Variants in SERPINB12 observed in about 807,000 individuals in gnomAD.
SERPINB12 encodes serpin family B member 12, also known as serpin B12.
SERPINB12 carries 57 observed loss-of-function variants against 41.1 expected under a neutral mutation model. The observed-to-expected ratio is 1.39, with a 90% CI of 1.12 to 1.73. The LOEUF (loss-of-function observed/expected upper bound fraction) is 1.73. Ranked by LOEUF, SERPINB12 falls within the 40% of genes most tolerant of loss-of-function variation. SERPINB12 has a pLI of 0.00. For synonymous variants in SERPINB12, 180 were observed against 181.3 expected (o/e 0.99, Z 0.06); for missense variants, 536 against 501.9 (o/e 1.07, Z -0.65).
chr18:63,541,765 A>G (rs548789302), upstream of SERPINB12, among the ~76,000 whole-genome samples: 4 of 152,216 alleles, frequency 2.6e-5, no homozygotes, highest in South Asian at 8.3e-4. Context: ...AAGAGAAGGA[A>G]CAGAGACAGA....
intron 1 of SERPINB12, among the ~76,000 whole-genome samples, chr18:63,542,867 C>A (rs139007098): frequency 6.6e-6 from 1 of 152,092 alleles, no homozygotes; most frequent in Admixed American, 6.6e-5. Context: ...TGTTTAGCTC[C>A]CACTTATAAG....
chr18:63,528,866 T>G, the SERPINB12 span, among the ~76,000 whole-genome samples: 2 of 152,132 alleles, frequency 1.3e-5, no homozygotes, highest in East Asian at 3.9e-4. Context: ...GGTCCTTCAT[T>G]TAAGGCAGTC....
At chr18:63,552,317 G>T (rs73961719) in intron 1 of SERPINB12, among the ~76,000 whole-genome samples, 2 of 152,016 alleles carry the variant, frequency 1.3e-5, no homozygotes, top group Non-Finnish European at 2.9e-5. Context: ...GGAAAATTAG[G>T]CTGGTTTCAA....
At chr18:63,519,841 T>C in the SERPINB12 span, among the ~76,000 whole-genome samples, 7 of 152,164 alleles carry the variant, frequency 4.6e-5, no homozygotes, top group Non-Finnish European at 1.0e-4. Flanking sequence ...TCTGACTTAT[T>C]ATCTAAGGTA....
At chr18:63,554,375 T>A (rs940920533) in intron 1 of SERPINB12, among the ~76,000 whole-genome samples, 3 of 152,260 alleles carry the variant, frequency 2.0e-5, no homozygotes, top group Non-Finnish European at 4.4e-5. Flanking sequence ...ACACATTTTT[T>A]AAAAAGTTAC....
At chr18:63,554,173 T>G (rs1910602596) in intron 1 of SERPINB12, among the ~76,000 whole-genome samples, 2 of 152,214 alleles carry the variant, frequency 1.3e-5, no homozygotes, top group Non-Finnish European at 2.9e-5. Flanking sequence ...GGCATGTGTT[T>G]GATCACCTAT....
intron 2 of SERPINB12, among the ~76,000 whole-genome samples, chr18:63,556,592 C>G (rs1910688341): frequency 6.6e-6 from 1 of 152,186 alleles, no homozygotes; most frequent in Non-Finnish European, 1.5e-5. Flanking sequence ...TCATCTCTAT[C>G]TTTATCTCTG....
the SERPINB12 span, among the ~76,000 whole-genome samples, chr18:63,536,878 A>G: frequency 1.3e-5 from 2 of 152,172 alleles, no homozygotes; most frequent in African/African-American, 2.4e-5. Context: ...AGCAATGCCA[A>G]TCAAAGGAGG....
upstream of SERPINB12, among the ~76,000 whole-genome samples, chr18:63,538,125 AC>A (rs1910209426): frequency 6.6e-6 from 1 of 152,200 alleles, no homozygotes; most frequent in Non-Finnish European, 1.5e-5. Flanking sequence ...AGGCACCAGG[AC>A]TTCTGCTGGA....
intron 1 of SERPINB12, among the ~76,000 whole-genome samples, chr18:63,546,535 C>A (rs565172506): frequency 1.3e-5 from 2 of 152,242 alleles, no homozygotes; most frequent in South Asian, 2.1e-4. Flanking sequence ...TATGTAATAA[C>A]TTAGAAAGAT....
chr18:63,523,753 T>C, the SERPINB12 span, among the ~76,000 whole-genome samples: 437 of 152,062 alleles, frequency 2.9e-3, no homozygotes, highest in Non-Finnish European at 5.5e-3. Flanking sequence ...AGCAGATTAA[T>C]AAATGGAAAA....
chr18:63,548,431 C>A (rs1157350176), intron 1 of SERPINB12, among the ~76,000 whole-genome samples: 1 of 151,844 alleles, frequency 6.6e-6, no homozygotes, highest in Non-Finnish European at 1.5e-5. Context: ...AAATACATTA[C>A]CCTCAAGGTT....
chr18:63,522,381 G>A, the SERPINB12 span, among the ~76,000 whole-genome samples: 1 of 152,000 alleles, frequency 6.6e-6, no homozygotes, highest in South Asian at 2.1e-4. Context: ...AATTTTGGAG[G>A]GATCAATCAG....
At chr18:63,539,953 A>ACTC (rs1279163957), upstream of SERPINB12, among the ~76,000 whole-genome samples, 278 of 152,230 alleles carry the variant, frequency 1.8e-3, 1 homozygote, top group African/African-American at 6.5e-3. Context: ...GACATAGAGA[A>ACTC]TTGCAATTGG....
At chr18:63,540,897 A>G (rs1478305607), upstream of SERPINB12, among the ~76,000 whole-genome samples, 2 of 152,298 alleles carry the variant, frequency 1.3e-5, no homozygotes, top group East Asian at 1.9e-4. Context: ...TGTTAAAAGG[A>G]CACAAAATTA....
chr18:63,562,155 G>A (rs17071308), intron 5 of SERPINB12, among the ~76,000 whole-genome samples: 6,256 of 152,222 alleles, frequency 0.041, 435 homozygotes, highest in African/African-American at 0.14. Context: ...CACCAGCCTC[G>A]TTAGTGCTGA....
At chr18:63,559,094 T>C (rs1910809529) in intron 3 of SERPINB12, among the ~76,000 whole-genome samples, 1 of 146,946 alleles carries the variant, frequency 6.8e-6, no homozygotes, top group Non-Finnish European at 1.5e-5. Flanking sequence ...TCTCTCTTTC[T>C]CTCTTTCTTT....
the SERPINB12 span, among the ~76,000 whole-genome samples, chr18:63,528,646 C>T: frequency 6.6e-6 from 1 of 151,986 alleles, no homozygotes; most frequent in South Asian, 2.1e-4. Flanking sequence ...TCAAAGAGTG[C>T]TCACAAAAAT....
At chr18:63,548,847 A>G (rs73961712) in intron 1 of SERPINB12, among the ~76,000 whole-genome samples, 5,196 of 152,174 alleles carry the variant, frequency 0.034, 303 homozygotes, top group African/African-American at 0.12. Context: ...TTCATCTGTA[A>G]CTTTTGGCTG....
Sources: allele counts gnomAD v4.1 joint callset (sites outside exome capture counted in the v4.1 genomes callset), GRCh38; gene constraint gnomAD v4.1.1; transcripts MANE v1.5; gene names NCBI Gene and HGNC (gene_info 2026-07-23, HGNC 2026-07-21).